ZNF799: variants seen among roughly 807,000 people sequenced by gnomAD.
ZNF799 encodes the protein zinc finger protein 14.
ZNF799 carries 28 observed loss-of-function variants against 41.0 expected under a neutral mutation model. The observed-to-expected ratio is 0.68, with a 90% CI of 0.51 to 0.94. The LOEUF is 0.94. Among genes scored for constraint, ZNF799 ranks in the 40% least tolerant of loss-of-function variants. The pLI, the probability that ZNF799 is intolerant of heterozygous loss-of-function variation, is 0.00. For missense variants in ZNF799, 716 were observed against 764.3 expected (o/e 0.94, Z 0.74); for synonymous variants, 213 against 252.9 (o/e 0.84, Z 1.50).
chr19:12,399,275 T>C (rs1394647846), intron 1 of ZNF799, among the ~76,000 whole-genome samples: 1 of 152,210 alleles, frequency 6.6e-6, no homozygotes, highest in African/African-American at 2.4e-5. Flanking sequence ...TTGTGTGCTT[T>C]TCAGGATCTT....
chr19:12,397,564 C>CAAAA (rs1163640631), intron 1 of ZNF799, among the ~76,000 whole-genome samples: 23 of 64,988 alleles, frequency 3.5e-4, no homozygotes, highest in Admixed American at 5.5e-4. Flanking sequence ...GACCCTGTCT[C>CAAAA]AAAAAAAAAA....
In ZNF799 at chr19:12,391,530, AG is replaced by A. The variant is rs759167356; in HGVS notation, c.867del (p.Phe290SerfsTer40). The A allele has an allele frequency of 1.9e-6, 3 of 1,614,158 alleles. No individual in the cohort carries two copies. Among genetic ancestry groups the A allele is most frequent in the Non-Finnish European group, 2.5e-6 (3 of 1,179,998 alleles). On this transcript the variant is annotated frameshift_variant, in exon 4 of 4. Transcript: ENST00000430385. LOFTEE classifies it high-confidence loss of function. ...KPYTCKQCGK[A>X]FSASTSLRRH... Reference sequence around the variant, plus strand: ...CTTCGAAGGGAAGTGGAAGCACTGAAGGCTTTCCCACATTGTTTACATGTAT... The same window carrying A: ...CTTCGAAGGGAAGTGGAAGCACTGAAGCTTTCCCACATTGTTTACATGTAT...
intron 1 of ZNF799, chr19:12,400,327 G>C (rs1172011911): frequency 1.3e-5 from 2 of 152,284 alleles, no homozygotes; most frequent in Non-Finnish European, 2.9e-5. Context: ...TCCTCACCGG[G>C]TTCACAGGAA....
chr19:12,400,934 G>T (rs1342208615), intron 1 of ZNF799, 134 bp downstream of exon 1: 84 of 1,544,288 alleles, frequency 5.4e-5, no homozygotes, highest in Non-Finnish European at 7.4e-5. Context: ...GCCGAGGGCC[G>T]ACCTACGCCA....
upstream of ZNF799, among the ~76,000 whole-genome samples, chr19:12,404,770 ATGT>A (rs1453526851): frequency 6.6e-6 from 1 of 152,240 alleles, no homozygotes; most frequent in East Asian, 1.9e-4. Context: ...TTGCCTAAAA[ATGT>A]TGTAAAATAC....
upstream of ZNF799, chr19:12,401,295 G>A: frequency 7.6e-7 from 1 of 1,317,482 alleles, no homozygotes; most frequent in Non-Finnish European, 1.0e-6. Flanking sequence ...CCGCCCCACG[G>A]CCCTTACTGG....
chr19:12,401,862 T>C (rs897261124), upstream of ZNF799, among the ~76,000 whole-genome samples: 1 of 152,196 alleles, frequency 6.6e-6, no homozygotes, highest in Admixed American at 6.5e-5. Flanking sequence ...ACGTGAGCCA[T>C]CGCGCCTGGC....
At chr19:12,408,628 G>C in the ZNF799 span, among the ~76,000 whole-genome samples, 1 of 152,148 alleles carries the variant, frequency 6.6e-6, no homozygotes, top group African/African-American at 2.4e-5. Context: ...AGATAAATCA[G>C]GTTGTAGATC....
chr19:12,401,298 C>T, upstream of ZNF799: 1 of 1,313,914 alleles, frequency 7.6e-7, no homozygotes, highest in Non-Finnish European at 1.0e-6. Context: ...CCCCACGGCC[C>T]TTACTGGATA....
intron 1 of ZNF799, among the ~76,000 whole-genome samples, chr19:12,395,962 A>G (rs534596340): frequency 1.3e-5 from 2 of 152,276 alleles, no homozygotes; most frequent in Non-Finnish European, 2.9e-5. Flanking sequence ...CAGAGATGTC[A>G]GTTTCTACAA....
At chr19:12,404,073 G>A (rs1162889782), upstream of ZNF799, among the ~76,000 whole-genome samples, 1 of 152,038 alleles carries the variant, frequency 6.6e-6, no homozygotes, top group Non-Finnish European at 1.5e-5. Flanking sequence ...AATTCCTCTT[G>A]TCATTGATTT....
chr19:12,392,620 A>G lies in ZNF799; in HGVS notation c.174T>C (p.Tyr58=), dbSNP rs1166108233. The part of the protein sequence containing the change: ...KDQNIEDQYR[Y]PRKNLRCRML... The stretch of plus-strand genomic sequence containing the variant: ...TAAATTACCTTAGATTTTTCCTGGG[A>G]TATCTATATTGATCTTCAATGTTCT... The change falls in exon 3 of 4, where the codon TAT becomes TAC. Residue 58 remains tyrosine (Y), a synonymous_variant. Coordinates refer to ENST00000430385, the MANE Select transcript of ZNF799 (RefSeq NM_001080821.3). 5.0e-6 allele frequency: 8 copies of G among 1,597,006 alleles called. No individual in the cohort carries two copies. The highest frequency in any genetic ancestry group is 6.9e-6 in the Non-Finnish European group (8 of 1,165,772).
chr19:12,399,551 C>T, intron 1 of ZNF799, among the ~76,000 whole-genome samples: 1 of 149,640 alleles, frequency 6.7e-6, no homozygotes, highest in East Asian at 1.9e-4. Context: ...CCCAGGGGGC[C>T]ACACCCCCCA....
upstream of ZNF799, chr19:12,401,333 G>C: frequency 9.4e-7 from 1 of 1,067,656 alleles, no homozygotes; most frequent in African/African-American, 1.6e-5. Flanking sequence ...GCCCCTCGTG[G>C]ACTGATTGAC....
the ZNF799 span, among the ~76,000 whole-genome samples, chr19:12,406,279 A>G: frequency 2.0e-5 from 3 of 150,400 alleles, no homozygotes; most frequent in Non-Finnish European, 4.4e-5. Flanking sequence ...GGAAATCGAG[A>G]CCATTCTGGC....
At chr19:12,403,597 G>C (rs1281518517), upstream of ZNF799, among the ~76,000 whole-genome samples, 1 of 150,330 alleles carries the variant, frequency 6.7e-6, no homozygotes, top group Non-Finnish European at 1.5e-5. Context: ...TTGCAGCCTA[G>C]GCTGGAGTGC....
At position 12,391,428 on chromosome 19, in the gene ZNF799, A is replaced by G. The variant is rs1337054568; in HGVS notation, c.970T>C (p.Phe324Leu). The G allele has an allele frequency of 3.1e-6, 5 of 1,614,028 alleles. No individual in the cohort carries two copies. The highest frequency in any genetic ancestry group is 4.2e-6 in the Non-Finnish European group (5 of 1,179,982). ...CGKAFHHLGS[F>L]QRHMVMHTRD... ...GTGTGCATTACCATGTGTCTTTGAA[A>G]GCTTCCCAGATGATGAAACGCTTTC... The change falls in exon 4 of 4, where the codon TTT becomes CTT. Residue 324 changes from phenylalanine to leucine, a missense_variant. This residue lies in a region of ZNF799 where 698 missense variants were observed against 713.6 expected (regional missense o/e 0.98). Coordinates refer to ENST00000430385, the MANE Select transcript of ZNF799 (RefSeq NM_001080821.3).
intron 1 of ZNF799, chr19:12,398,347 T>C (rs1969930858): frequency 6.6e-6 from 1 of 152,174 alleles, no homozygotes; most frequent in East Asian, 1.9e-4. Context: ...AGCTACTCTC[T>C]TACCCTTCTA....
chr19:12,401,158 C>G lies in ZNF799; in HGVS notation c.-88G>C, dbSNP rs1163141526. The G allele has an allele frequency of 2.5e-6, 4 of 1,609,032 alleles. No individual in the cohort carries two copies. The highest frequency in any genetic ancestry group is 3.4e-6 in the Non-Finnish European group (4 of 1,178,402). On this transcript the variant is annotated 5_prime_UTR_variant, in exon 1 of 4. Coordinates refer to ENST00000430385, the MANE Select transcript of ZNF799 (RefSeq NM_001080821.3). ...CGGGACACAGGCTGCCACGGAACTT[C>G]CAGGTCGTCTCTTAGCTACAGAGCC...
Sources: allele counts gnomAD v4.1 joint callset (sites outside exome capture counted in the v4.1 genomes callset), GRCh38; gene constraint gnomAD v4.1.1; regional missense constraint gnomAD v4.1.1; transcripts MANE v1.5; gene names NCBI Gene and HGNC (gene_info 2026-07-23, HGNC 2026-07-21).